Variants in RSF1 observed in about 807,000 individuals in gnomAD.
The protein encoded by RSF1 is remodeling and spacing factor 1.
Under a neutral mutation model 145.2 loss-of-function variants are expected in RSF1, and 13 were observed. The observed-to-expected ratio is 0.09, with a 90% CI of 0.06 to 0.14. The LOEUF is 0.14. RSF1 is among the 10% of genes least tolerant of loss of function. The probability of loss-of-function intolerance (pLI) is 1.00; values close to 1 mark genes in which losing one functional copy is unlikely to be tolerated. For missense variants in RSF1, 1,517 were observed against 1,718.2 expected (o/e 0.88, Z 2.07); for synonymous variants, 577 against 592.6 (o/e 0.97, Z 0.38).
the RSF1 span, chr11:77,840,994 A>G: frequency 1.9e-6 from 1 of 515,602 alleles, no homozygotes. Flanking sequence ...AAAATTTATA[A>G]TGAAAATAAT....
At chr11:77,737,930 C>G (rs1226483728) in intron 4 of RSF1, among the ~76,000 whole-genome samples, 1 of 152,118 alleles carries the variant, frequency 6.6e-6, no homozygotes, top group Non-Finnish European at 1.5e-5. Context: ...GAGATCAAGA[C>G]CATCTTGGCT....
intron 3 of RSF1, among the ~76,000 whole-genome samples, chr11:77,743,483 G>A (rs930209576): frequency 6.6e-6 from 1 of 152,026 alleles, no homozygotes; most frequent in Non-Finnish European, 1.5e-5. Flanking sequence ...TGATGCTATT[G>A]TAATGAATTG....
At chr11:77,716,633 A>G (rs1482860747) in intron 5 of RSF1, among the ~76,000 whole-genome samples, 1 of 152,194 alleles carries the variant, frequency 6.6e-6, no homozygotes, top group Non-Finnish European at 1.5e-5. Flanking sequence ...GATGCTGGTC[A>G]AAAGATAAAA....
rs746890974 is a variant in RSF1, at chr11:77,701,128, T to C, written c.2101A>G (p.Met701Val). The change falls in exon 6 of 16, where the codon ATG (methionine) becomes GTG (valine). Residue 701 changes from methionine to valine, a missense_variant. Around this residue, in one of 12 missense-constraint regions of RSF1, gnomAD observed 579 missense variants for 553.5 expected, o/e 1.05. Coordinates refer to ENST00000308488, the MANE Select transcript of RSF1 (RefSeq NM_016578.4). ...IEEPSETKGS[M>V]QKSKFKYKLV... is the part of the protein sequence containing the mutation. ...TTATATTTGAATTTGCTTTTTTGCA[T>C]AGAACCCTTTGTCTCAGAAGGCTCC... The C allele has an allele frequency of 1.9e-6, 3 of 1,613,734 alleles. No individual in the cohort carries two copies. Among genetic ancestry groups the C allele is most frequent in the South Asian group, 1.1e-5 (1 of 91,044 alleles).
intron 1 of RSF1, among the ~76,000 whole-genome samples, chr11:77,800,544 T>G (rs1948616384): frequency 6.6e-6 from 1 of 152,108 alleles, no homozygotes; most frequent in Non-Finnish European, 1.5e-5. Flanking sequence ...CAGTACCAGA[T>G]GGCTTCACTA....
At chr11:77,709,313 T>C (rs1019940381) in intron 5 of RSF1, among the ~76,000 whole-genome samples, 2 of 152,222 alleles carry the variant, frequency 1.3e-5, no homozygotes, top group African/African-American at 2.4e-5. Flanking sequence ...TTTACTAATC[T>C]TGTTTATTGT....
intron 1 of RSF1, among the ~76,000 whole-genome samples, chr11:77,788,232 A>G (rs2135963844): frequency 6.7e-6 from 1 of 149,564 alleles, no homozygotes. Flanking sequence ...GGAAGCAGAA[A>G]AATTCAACCC....
At chr11:77,795,453 C>T (rs117241856) in intron 1 of RSF1, among the ~76,000 whole-genome samples, 2,036 of 152,282 alleles carry the variant, frequency 0.013, 21 homozygotes, top group Middle Eastern at 0.044. Context: ...GGGCATCACA[C>T]TACCCAACTT....
chr11:77,733,434 T>TTC (rs10666922), intron 4 of RSF1, among the ~76,000 whole-genome samples: 27,143 of 152,056 alleles, frequency 0.18, 3,029 homozygotes, highest in African/African-American at 0.3. Context: ...CAAAAGTACT[T>TTC]TCTGTAGTCC....
chr11:77,732,788 A>T (rs945624666), intron 4 of RSF1, among the ~76,000 whole-genome samples: 1 of 152,154 alleles, frequency 6.6e-6, no homozygotes, highest in African/African-American at 2.4e-5. Flanking sequence ...GTCCAATTAA[A>T]CCTCTTTCTT....
intron 1 of RSF1, among the ~76,000 whole-genome samples, chr11:77,774,475 G>A (rs943606302): frequency 6.6e-6 from 1 of 151,918 alleles, no homozygotes; most frequent in Non-Finnish European, 1.5e-5. Context: ...GGGAGGCTGA[G>A]GCAGGAGAAT....
chr11:77,747,572 T>G (rs1369004623), intron 2 of RSF1, among the ~76,000 whole-genome samples: 1 of 152,232 alleles, frequency 6.6e-6, no homozygotes, highest in Non-Finnish European at 1.5e-5. Flanking sequence ...TTCTACTATT[T>G]AGGAGTAAAG....
At chr11:77,818,510 C>G (rs967781189) in intron 1 of RSF1, among the ~76,000 whole-genome samples, 3 of 152,164 alleles carry the variant, frequency 2.0e-5, no homozygotes, top group African/African-American at 7.2e-5. Flanking sequence ...ACGGGCCAGG[C>G]TTGGTGGCTC....
chr11:77,779,329 T>G (rs978682706), intron 1 of RSF1, among the ~76,000 whole-genome samples: 2 of 151,924 alleles, frequency 1.3e-5, no homozygotes, highest in African/African-American at 4.8e-5. Context: ...TGCCTTAGCC[T>G]CCCTAGTAGC....
At chr11:77,729,361 C>T (rs1961139048) in intron 4 of RSF1, among the ~76,000 whole-genome samples, 1 of 152,128 alleles carries the variant, frequency 6.6e-6, no homozygotes, top group Non-Finnish European at 1.5e-5. Context: ...TGGTTACTGA[C>T]TTTGACTTAA....
intron 4 of RSF1, among the ~76,000 whole-genome samples, chr11:77,727,916 C>A (rs926010337): frequency 5.3e-5 from 8 of 152,168 alleles, no homozygotes; most frequent in African/African-American, 1.9e-4. Flanking sequence ...AACAAAACTA[C>A]CCATCTTTGG....
At chr11:77,806,597 CT>C (rs1948679888) in intron 1 of RSF1, among the ~76,000 whole-genome samples, 1 of 151,874 alleles carries the variant, frequency 6.6e-6, no homozygotes, top group Admixed American at 6.6e-5. Flanking sequence ...AGGAAGATCA[CT>C]TGAGTCCAGG....
Position 77,774,495 on chromosome 11 carries a change from C to T in RSF1, c.188-9806G>A, listed in dbSNP as rs567783044. On this transcript the variant is annotated intron_variant, in intron 1 of 15. Transcript: ENST00000308488. ...GCTGAGGCAGGAGAATCACTTGAAC[C>T]CAGGAGGTGGAGGTTGCAGTGAACT... 1.3e-3 allele frequency among the ~76,000 whole-genome samples: 199 copies of T among 151,762 alleles called. 2 individuals carry two copies. Among genetic ancestry groups the T allele is most frequent in the Non-Finnish European group, 1.8e-3 (119 of 67,938 alleles).
rs530405826 is a variant in RSF1 at position 77,765,146 on chromosome 11, AC to A, written c.188-458del. On this transcript the variant is annotated intron_variant, in intron 1 of 15. Transcript: ENST00000308488. ...AAAAAATAGTTTGTTAAAAAAAAAAACCATCAAGTAAAAGCACTTAACTATA... is the reference window on the plus strand; with the variant it reads ...AAAAAATAGTTTGTTAAAAAAAAAAACATCAAGTAAAAGCACTTAACTATA... 1.8e-3 allele frequency among the ~76,000 whole-genome samples: 272 copies of A among 150,974 alleles called. 2 individuals are homozygous for A. The highest frequency in any genetic ancestry group is 6.3e-3 in the African/African-American group (259 of 41,368).
Sources: allele counts gnomAD v4.1 joint callset (sites outside exome capture counted in the v4.1 genomes callset), GRCh38; gene constraint gnomAD v4.1.1; regional missense constraint gnomAD v4.1.1; transcripts MANE v1.5; gene names NCBI Gene and HGNC (gene_info 2026-07-23, HGNC 2026-07-21).